The following PRELID2 variants were observed in gnomAD, a reference collection of about 807,000 sequenced individuals.
PRELID2 encodes PRELI domain containing 2.
Under a neutral mutation model 28.4 loss-of-function variants are expected in PRELID2, and 25 were observed. The observed-to-expected ratio is 0.88, with a 90% CI of 0.64 to 1.23. PRELID2 has a LOEUF of 1.23. Among genes scored for constraint, PRELID2 ranks in the 50% most tolerant of loss-of-function variants. The pLI is 0.00. For missense variants in PRELID2, 201 were observed against 214.4 expected, an observed-to-expected ratio of 0.94 and a Z score of 0.39; for synonymous variants, 76 against 71.6, an observed-to-expected ratio of 1.06 and a Z score of -0.31.
At chr5:145,773,305 T>C (rs985707862) in intron 5 of PRELID2, among the ~76,000 whole-genome samples, 2 of 152,250 alleles carry the variant, frequency 1.3e-5, no homozygotes, top group Non-Finnish European at 2.9e-5. Context: ...ATGTTGCTGA[T>C]TTTCAAATAA....
chr5:145,770,591 C>T (rs554906446), intron 5 of PRELID2, among the ~76,000 whole-genome samples: 318 of 152,254 alleles, frequency 2.1e-3, no homozygotes, highest in African/African-American at 7.1e-3. Flanking sequence ...CAGCAGATGA[C>T]AGCTCCATGT....
intron 4 of PRELID2, among the ~76,000 whole-genome samples, chr5:145,802,230 G>A (rs1280062242): frequency 3.3e-5 from 5 of 152,180 alleles, no homozygotes; most frequent in Non-Finnish European, 5.9e-5. Context: ...GTTTATGGCT[G>A]TTATCAACAG....
chr5:145,242,808 A>G, the PRELID2 span, among the ~76,000 whole-genome samples: 1 of 152,054 alleles, frequency 6.6e-6, no homozygotes, highest in African/African-American at 2.4e-5. Flanking sequence ...CCCTAAAAGC[A>G]TACTTGTTTC....
chr5:145,247,008 G>T, the PRELID2 span, among the ~76,000 whole-genome samples: 1 of 152,192 alleles, frequency 6.6e-6, no homozygotes, highest in East Asian at 1.9e-4. Flanking sequence ...GGCTGCAAGA[G>T]TCTGAACCTC....
At chr5:145,371,455 G>A in the PRELID2 span, among the ~76,000 whole-genome samples, 7,658 of 152,106 alleles carry the variant, frequency 0.05, 615 homozygotes, top group African/African-American at 0.17. Context: ...CATCCCAGGA[G>A]TGAAGCCAAT....
chr5:145,436,477 T>C, the PRELID2 span, among the ~76,000 whole-genome samples: 2 of 152,200 alleles, frequency 1.3e-5, no homozygotes, highest in South Asian at 4.1e-4. Context: ...GGTAGAATAG[T>C]AGTTCTAATT....
At chr5:145,336,922 T>C in the PRELID2 span, among the ~76,000 whole-genome samples, 1 of 125,490 alleles carries the variant, frequency 8.0e-6, no homozygotes, top group Non-Finnish European at 1.6e-5. Context: ...TGAGAACACA[T>C]GGACCCAGGA....
At chr5:145,307,893 A>G in the PRELID2 span, among the ~76,000 whole-genome samples, 3 of 152,186 alleles carry the variant, frequency 2.0e-5, no homozygotes. Context: ...GTCATTTACC[A>G]GGCCACCTGG....
At chr5:145,587,667 G>A (rs1443330001) in intron 1 of PRELID2, among the ~76,000 whole-genome samples, 1 of 151,988 alleles carries the variant, frequency 6.6e-6, no homozygotes, top group Non-Finnish European at 1.5e-5. Flanking sequence ...ATTCCTTGTG[G>A]GCTTCCATTA....
chr5:145,635,088 C>T (rs1581016519), intron 1 of PRELID2, among the ~76,000 whole-genome samples: 2 of 152,302 alleles, frequency 1.3e-5, no homozygotes, highest in East Asian at 3.9e-4. Context: ...TCTTTAAAGA[C>T]TTAGTTGGTT....
the PRELID2 span, among the ~76,000 whole-genome samples, chr5:145,286,990 G>A: frequency 3.3e-5 from 5 of 152,076 alleles, no homozygotes; most frequent in South Asian, 2.1e-4. Context: ...GATTACAGGC[G>A]TGAGCCACCG....
intron 1 of PRELID2, among the ~76,000 whole-genome samples, chr5:145,719,580 T>C (rs1005198456): frequency 6.6e-6 from 1 of 151,932 alleles, no homozygotes; most frequent in Non-Finnish European, 1.5e-5. Context: ...TCGATATCCA[T>C]TGAAGAAGCT....
chr5:145,794,406 C>T (rs1752597401), intron 5 of PRELID2, among the ~76,000 whole-genome samples: 1 of 152,152 alleles, frequency 6.6e-6, no homozygotes, highest in African/African-American at 2.4e-5. Flanking sequence ...ATCTAACAAA[C>T]ACAAGTATTA....
intron 1 of PRELID2, among the ~76,000 whole-genome samples, chr5:145,603,659 A>G (rs997346440): frequency 6.6e-6 from 1 of 152,166 alleles, no homozygotes; most frequent in Non-Finnish European, 1.5e-5. Context: ...GAATGCTTAA[A>G]TAAGTATTGA....
chr5:145,373,016 T>TTATATTACAACATATATAATATGATA, the PRELID2 span, among the ~76,000 whole-genome samples: 1 of 115,350 alleles, frequency 8.7e-6, no homozygotes, highest in Non-Finnish European at 1.7e-5. Context: ...AATATATATA[T>TTATATTACAACATATATAATATGATA]TATATTACAA....
chr5:145,705,178 C>T (rs1364226141), intron 1 of PRELID2, among the ~76,000 whole-genome samples: 3 of 151,800 alleles, frequency 2.0e-5, no homozygotes, highest in Non-Finnish European at 4.4e-5. Flanking sequence ...AACAACAGAT[C>T]TGAACCCAAA....
chr5:145,345,721 T>C, the PRELID2 span, among the ~76,000 whole-genome samples: 1 of 152,070 alleles, frequency 6.6e-6, no homozygotes, highest in African/African-American at 2.4e-5. Flanking sequence ...TGAAAATAAT[T>C]GCTGAATGCT....
At chr5:145,249,619 T>C in the PRELID2 span, among the ~76,000 whole-genome samples, 2 of 152,072 alleles carry the variant, frequency 1.3e-5, no homozygotes, top group Non-Finnish European at 2.9e-5. Context: ...AATTACAGTG[T>C]TAGGCTGCAA....
At chr5:145,819,900 A>T in intron 3 of PRELID2, 45 bp downstream of exon 3, 1 of 1,187,898 alleles carries the variant, frequency 8.4e-7, no homozygotes, top group South Asian at 1.3e-5. Context: ...ACTATTAAAA[A>T]TTACTCAATG....
Sources: gnomAD v4.1 joint callset for allele counts (sites outside exome capture counted in the v4.1 genomes callset) on GRCh38, gnomAD v4.1.1 for gene constraint, MANE v1.5 for transcripts, NCBI Gene and HGNC (gene_info 2026-07-23, HGNC 2026-07-21) for gene names.